Variants in CBFB observed in about 807,000 individuals in gnomAD.
CBFB encodes core-binding factor subunit beta.
Under a neutral mutation model 30.4 loss-of-function variants are expected in CBFB, and 9 were observed. That is an observed-to-expected ratio of 0.30 (90% CI 0.18 to 0.52). CBFB has a LOEUF of 0.52. CBFB is among the 20% of genes least tolerant of loss of function. The pLI, the probability that CBFB is intolerant of heterozygous loss-of-function variation, is 0.97. For synonymous variants in CBFB, 94 were observed against 84.0 expected (o/e 1.12, Z -0.65); for missense variants, 170 against 244.0 (o/e 0.70, Z 2.02).
In CBFB at chr16:67,036,755, G is replaced by A. The variant is rs1286251714; in HGVS notation, c.282G>A (p.Lys94=). The A allele has an allele frequency of 6.4e-7, 1 of 1,552,962 alleles. No homozygotes were observed. Among genetic ancestry groups the A allele is most frequent in the Non-Finnish European group, 8.9e-7 (1 of 1,124,508 alleles). ...TCGACTTAGAAAGAGAAGCAGGCAAGGTAGGAAACATTTCTTTGCAATTTA... is the reference window on the plus strand; with the variant it reads ...TCGACTTAGAAAGAGAAGCAGGCAAAGTAGGAAACATTTCTTTGCAATTTA... ...EYVDLEREAG[K]VYLKAPMILN... is the part of the protein sequence containing the mutation. Residue 94 remains lysine (K), a splice_region_variant and synonymous_variant, in exon 3 of 6, where the codon AAG becomes AAA. Transcript: ENST00000412916.
At chr16:67,033,282 G>T (rs1444339907) in intron 2 of CBFB, among the ~76,000 whole-genome samples, 1 of 152,170 alleles carries the variant, frequency 6.6e-6, no homozygotes, top group Non-Finnish European at 1.5e-5. Context: ...GTTTTTAACT[G>T]TAAAACCCAA....
At chr16:67,068,957 A>G (rs748606387) in intron 4 of CBFB, among the ~76,000 whole-genome samples, 9 of 152,154 alleles carry the variant, frequency 5.9e-5, no homozygotes, top group East Asian at 1.9e-4. Flanking sequence ...GCTCATGCCT[A>G]TAATCCCAGC....
chr16:67,062,854 A>G (rs535142885), intron 3 of CBFB, among the ~76,000 whole-genome samples: 1 of 152,240 alleles, frequency 6.6e-6, no homozygotes, highest in East Asian at 1.9e-4. Context: ...TTCAATTCTA[A>G]AGAATATAAA....
chr16:67,075,548 A>G (rs1471448367), intron 4 of CBFB, among the ~76,000 whole-genome samples: 1 of 151,384 alleles, frequency 6.6e-6, no homozygotes, highest in Admixed American at 6.6e-5. Flanking sequence ...CTGCGCATGC[A>G]TATATGTGTG....
intron 2 of CBFB, 37 bp from the exon 3 acceptor site, chr16:67,036,602 C>G (rs1966443581): frequency 8.8e-7 from 1 of 1,140,152 alleles, no homozygotes; most frequent in African/African-American, 1.5e-5. Context: ...ATGTAATGTC[C>G]TGCTCCTGAT....
chr16:67,056,567 G>T (rs1960729745), intron 3 of CBFB, among the ~76,000 whole-genome samples: 1 of 151,650 alleles, frequency 6.6e-6, no homozygotes, highest in African/African-American at 2.4e-5. Context: ...TATTTACTAT[G>T]TTTTTTTCCA....
chr16:67,036,804 G>C (rs748036987), intron 3 of CBFB, 49 bp downstream of exon 3: 46 of 988,316 alleles, frequency 4.7e-5, no homozygotes, highest in Middle Eastern at 2.1e-4. Flanking sequence ...TGTTTTGTTA[G>C]AGATTATCTG....
At chr16:67,044,601 C>G (rs1426629764) in intron 3 of CBFB, among the ~76,000 whole-genome samples, 2 of 151,988 alleles carry the variant, frequency 1.3e-5, no homozygotes, top group African/African-American at 4.8e-5. Flanking sequence ...CAAAATCTAA[C>G]AAGATTGGAT....
chr16:67,050,468 C>T (rs1702397214), intron 3 of CBFB, among the ~76,000 whole-genome samples: 1 of 151,628 alleles, frequency 6.6e-6, no homozygotes, highest in South Asian at 2.1e-4. Flanking sequence ...ATAAATTAGG[C>T]ACAGTAAGAG....
intron 3 of CBFB, among the ~76,000 whole-genome samples, chr16:67,038,114 A>G (rs751634237): frequency 2.0e-5 from 3 of 152,004 alleles, no homozygotes; most frequent in Admixed American, 1.3e-4. Context: ...ATCCAGTTTC[A>G]TACTTTTTTT....
In CBFB at chr16:67,098,601, C is replaced by G. The variant is rs2145790822; in HGVS notation, c.496-109C>G. Reference sequence around the variant, plus strand: ...TACATGTGACTATATTGGCTGAAAACTTTTTAGTTATGAAGTTTTTCTGTG... The same window carrying G: ...TACATGTGACTATATTGGCTGAAAAGTTTTTAGTTATGAAGTTTTTCTGTG... On this transcript the variant is annotated intron_variant, in intron 5 of 5. Coordinates refer to ENST00000412916, the MANE Select transcript of CBFB (RefSeq NM_022845.3). 3 of 619,792 alleles carry G rather than the reference C, an allele frequency of 4.8e-6. No homozygotes were observed. In the South Asian group the frequency reaches 6.8e-5, roughly 14 times the overall value. 38.4% of individuals were successfully genotyped at this position (619,792 alleles called of 1,614,324 possible). A position where few individuals can be genotyped will look rare whatever the true frequency, so the allele number is the denominator to read the frequency against.
At chr16:67,067,616 G>C (rs1961097180) in intron 4 of CBFB, among the ~76,000 whole-genome samples, 1 of 152,180 alleles carries the variant, frequency 6.6e-6, no homozygotes, top group African/African-American at 2.4e-5. Context: ...TTAGTCAGGA[G>C]CTGCTCCCAT....
intron 2 of CBFB, among the ~76,000 whole-genome samples, chr16:67,035,484 A>G (rs1282841884): frequency 6.6e-6 from 1 of 152,204 alleles, no homozygotes; most frequent in Non-Finnish European, 1.5e-5. Context: ...TTGATTAGGG[A>G]AATGCCATCA....
intron 4 of CBFB, among the ~76,000 whole-genome samples, chr16:67,081,862 A>C (rs1229034966): frequency 1.4e-5 from 2 of 143,378 alleles, no homozygotes; most frequent in African/African-American, 5.2e-5. Context: ...TTTTTTTGAG[A>C]CAGGCTGGAG....
At chr16:67,047,629 G>A (rs1310870304) in intron 3 of CBFB, among the ~76,000 whole-genome samples, 3 of 152,154 alleles carry the variant, frequency 2.0e-5, no homozygotes, top group South Asian at 2.1e-4. Context: ...TCTAATAATC[G>A]TGTGGCCCTG....
intron 4 of CBFB, among the ~76,000 whole-genome samples, chr16:67,067,437 G>A (rs531904623): frequency 2.0e-5 from 3 of 152,248 alleles, no homozygotes; most frequent in South Asian, 4.1e-4. Context: ...AGAATCGCTC[G>A]AACCCAGGAG....
At chr16:67,083,679 T>C (rs1019199773) in intron 5 of CBFB, among the ~76,000 whole-genome samples, 1 of 152,182 alleles carries the variant, frequency 6.6e-6, no homozygotes, top group Non-Finnish European at 1.5e-5. Context: ...TTGCCCAGTT[T>C]TAAAATTTGA....
intron 4 of CBFB, among the ~76,000 whole-genome samples, chr16:67,074,392 T>A (rs1961326468): frequency 2.6e-5 from 4 of 151,920 alleles, no homozygotes; most frequent in Admixed American, 2.6e-4. Context: ...AAAGCTTTTT[T>A]TTTTTTTTTG....
chr16:67,097,284 G>A (rs529779126), intron 5 of CBFB, among the ~76,000 whole-genome samples: 13 of 151,978 alleles, frequency 8.6e-5, no homozygotes, highest in East Asian at 7.8e-4. Flanking sequence ...GGTGGCTCAC[G>A]CCTGTAATCC....
Sources: allele counts gnomAD v4.1 joint callset (sites outside exome capture counted in the v4.1 genomes callset), GRCh38; gene constraint gnomAD v4.1.1; transcripts MANE v1.5; gene names NCBI Gene and HGNC (gene_info 2026-07-23, HGNC 2026-07-21).